Variants in ASPM observed in about 807,000 individuals in gnomAD.
ASPM encodes assembly factor for spindle microtubules.
ASPM carries 256 observed loss-of-function variants against 366.4 expected under a neutral mutation model. The ratio of observed to expected loss-of-function variants is 0.70; its 90% confidence interval spans 0.63 to 0.77. ASPM has a LOEUF of 0.77. Ranked by LOEUF, ASPM falls within the 30% of genes least tolerant of loss-of-function variation. The pLI is 0.00. For missense variants in ASPM, 4,146 were observed against 4,090.4 expected, an observed-to-expected ratio of 1.01 and a Z score of -0.37; for synonymous variants, 1,414 against 1,342.9, an observed-to-expected ratio of 1.05 and a Z score of -1.16.
At position 197,102,964 on chromosome 1, in the gene ASPM, GTCT is replaced by G; in HGVS notation, c.6284_6286del (p.Lys2095del). The G allele has an allele frequency of 6.2e-7, 1 of 1,612,346 alleles. No homozygotes were observed. Among genetic ancestry groups the G allele is most frequent in the Non-Finnish European group, 8.5e-7 (1 of 1,179,044 alleles). ...ATAAACAGATTGGATTTTAATTGCT[GTCT>G]TCTTCAAATTAAGATACTCCTTATG... On this transcript the variant is annotated inframe_deletion, in exon 18 of 28. Coordinates refer to ENST00000367409, the MANE Select transcript of ASPM (RefSeq NM_018136.5).
In ASPM at chr1:197,117,994, A is replaced by G. The variant is rs763587106; in HGVS notation, c.3871-11T>C. The G allele has an allele frequency of 6.2e-7, 1 of 1,609,202 alleles. No homozygotes were observed. The highest frequency in any genetic ancestry group is 2.2e-5 in the East Asian group (1 of 44,760). ...AGCTTTCTCTCTCTCCTAAAATAAA[A>G]AAGTCAGCAAATGTAAATTAAACAC... On this transcript the variant is annotated splice_polypyrimidine_tract_variant and intron_variant, in intron 16 of 27. Transcript: ENST00000367409.
rs762895326 is a variant in ASPM at position 197,101,992 on chromosome 1, G to A, written c.7259C>T (p.Ser2420Leu). The A allele has an allele frequency of 1.4e-5, 23 of 1,612,688 alleles. 1 individual carries two copies. Among genetic ancestry groups the A allele is most frequent in the Non-Finnish European group, 1.9e-5 (22 of 1,179,302 alleles). Reference protein sequence around the residue: ...SATLIQSRFRSLLVRRRFISL... With the variant: ...SATLIQSRFRLLLVRRRFISL... ...AATGAATCTTCTCCTCACCAGTAAT[G>A]ATCTAAACCTACTCTGAATAAGGGT... Residue 2420 changes from serine (S) to leucine (L), a missense_variant, in exon 18 of 28, where the codon TCA (serine) becomes TTA (leucine). By Grantham distance (145) the Ser-to-Leu change is moderately radical. This residue lies in a region of ASPM where 3,624 missense variants were observed against 3,591.7 expected (regional missense o/e 1.01). Transcript: ENST00000367409.
Position 197,123,826 on chromosome 1 carries a change from A to G in ASPM, c.3390+284T>C, listed in dbSNP as rs187754287. Among the ~76,000 whole-genome samples the G allele has an allele frequency of 3.0e-4, 46 of 152,230 alleles. 1 individual carries two copies. The highest frequency in any genetic ancestry group is 5.7e-4 in the Non-Finnish European group (39 of 67,964). On this transcript the variant is annotated intron_variant, in intron 13 of 27. Coordinates refer to ENST00000367409, the MANE Select transcript of ASPM (RefSeq NM_018136.5). ...CTTATTTGAATTGAACTTTATAATAATGATATGATTCTTTTATGTCCCAGT... is the reference window on the plus strand; with the variant it reads ...CTTATTTGAATTGAACTTTATAATAGTGATATGATTCTTTTATGTCCCAGT...
chr1:197,137,641 C>T (rs964772518), intron 4 of ASPM, among the ~76,000 whole-genome samples: 5 of 152,112 alleles, frequency 3.3e-5, no homozygotes, highest in African/African-American at 1.2e-4. Flanking sequence ...CCATCATGCC[C>T]AGCCAACTTC....
At chr1:197,118,429 C>T (rs981726684) in intron 16 of ASPM, among the ~76,000 whole-genome samples, 3 of 151,980 alleles carry the variant, frequency 2.0e-5, no homozygotes, top group African/African-American at 7.2e-5. Flanking sequence ...AAACAAAATA[C>T]CTCCTCCTTT....
Position 197,104,354 on chromosome 1 carries a change from G to T in ASPM, c.4897C>A (p.Arg1633Ser), listed in dbSNP as rs200202166. The T allele has an allele frequency of 6.2e-7, 1 of 1,613,042 alleles. No individual in the cohort carries two copies. Among genetic ancestry groups the T allele is most frequent in the Non-Finnish European group, 8.5e-7 (1 of 1,179,400 alleles). ...GACTGCAGCACAATGACAGCAGAGC[G>T]TGTTTTCTGGTAAGATGCTAGAACT... ...MKVLASYQKT[R>S]SAVIVLQSAY... The change falls in exon 18 of 28, where the codon CGC (arginine) becomes AGC (serine). Residue 1633 changes from arginine (R) to serine (S), a missense_variant. Transcript: ENST00000367409.
In ASPM at chr1:197,104,684, C is replaced by T. The variant is rs370971482; in HGVS notation, c.4567G>A (p.Ala1523Thr). Residue 1523 changes from alanine to threonine, a missense_variant, in exon 18 of 28, where the codon GCA becomes ACA. Physicochemically the swap from Ala to Thr is moderately conservative, Grantham distance 58 (BLOSUM62 0). Transcript: ENST00000367409. Reference protein sequence around the residue: ...SILTIQKYYKAYLKGKIERTN... With the variant: ...SILTIQKYYKTYLKGKIERTN... ...CGCTCAATCTTTCCTTTCAGATATG[C>T]TTTGTAGTACTTCTGGATGGTTAGT... 26 of 1,613,040 alleles carry T rather than the reference C, an allele frequency of 1.6e-5. No individual in the cohort carries two copies. The highest frequency in any genetic ancestry group is 2.2e-5 in the Non-Finnish European group (26 of 1,179,398).
rs557887201 is a variant in ASPM at position 197,100,687 on chromosome 1, C to G, written c.8564G>C (p.Arg2855Thr). 3 of 1,612,362 alleles carry G rather than the reference C, an allele frequency of 1.9e-6. No individual in the cohort carries two copies. Among genetic ancestry groups the G allele is most frequent in the Admixed American group, 3.3e-5 (2 of 59,738 alleles). The change falls in exon 18 of 28, where the codon AGA becomes ACA. Residue 2855 changes from arginine to threonine, a missense_variant. Coordinates refer to ENST00000367409, the MANE Select transcript of ASPM (RefSeq NM_018136.5). ...FFLQMAVYRR[R>T]FVQQKRAAIT... ...AGCAGCTCTTTTCTGCTGAACAAAT[C>G]TTCTCCGATACACAGCCATCTGAAG...
Position 197,143,316 on chromosome 1 carries a change from T to C in ASPM, c.936A>G (p.Gln312=). The C allele has an allele frequency of 6.2e-7, 1 of 1,613,938 alleles. No homozygotes were observed. The highest frequency in any genetic ancestry group is 8.5e-7 in the Non-Finnish European group (1 of 1,179,818). Reference sequence around the variant, plus strand: ...AAGAATCTGGACTTAGAAAATGTATTTGGCTTTGTGTAATGTTCAAAGTTG... The same window carrying C: ...AAGAATCTGGACTTAGAAAATGTATCTGGCTTTGTGTAATGTTCAAAGTTG... ...CSSTLNITQS[Q]IHFLSPDSFV... The change falls in exon 3 of 28, where the codon CAA becomes CAG. Residue 312 remains glutamine, a synonymous_variant. Coordinates refer to ENST00000367409, the MANE Select transcript of ASPM (RefSeq NM_018136.5).
At position 197,103,695 on chromosome 1, in the gene ASPM, T is replaced by C. The variant is rs544950077; in HGVS notation, c.5556A>G (p.Ile1852Met). 37 of 1,612,822 alleles carry C rather than the reference T, an allele frequency of 2.3e-5. No homozygotes were observed. Among genetic ancestry groups the C allele is most frequent in the Admixed American group, 8.4e-5 (5 of 59,770 alleles). The change falls in exon 18 of 28, where the codon ATA (isoleucine) becomes ATG (methionine). Residue 1852 changes from isoleucine to methionine, a missense_variant. Around this residue, in one of 3 missense-constraint regions of ASPM, gnomAD observed 3,624 missense variants for 3,591.7 expected, o/e 1.01. Transcript: ENST00000367409. ...VKYQSVLQSI[I>M]KIQRWYRAYK... ...ACGCCCTGTACCATCTCTGAATCTT[T>C]ATTATAGATTGAAGCACAGATTGAT...
At chr1:197,087,147 T>C (rs1469944747) in intron 26 of ASPM, among the ~76,000 whole-genome samples, 175 bp from the exon 27 acceptor site, 1 of 152,070 alleles carries the variant, frequency 6.6e-6, no homozygotes. Flanking sequence ...CGATCTTAGC[T>C]CAATGCAATC....
chr1:197,097,550 A>G (rs1657017973), intron 18 of ASPM, among the ~76,000 whole-genome samples: 1 of 151,820 alleles, frequency 6.6e-6, no homozygotes, highest in South Asian at 2.1e-4. Flanking sequence ...TTCAGTTGAT[A>G]ATGCAATAAT....
At chr1:197,090,158 T>A in intron 24 of ASPM, 38 bp downstream of exon 24, 5 of 1,612,224 alleles carry the variant, frequency 3.1e-6, no homozygotes, top group Non-Finnish European at 4.2e-6. Context: ...AATAATGTAG[T>A]ATTACATCAT....
intron 10 of ASPM, among the ~76,000 whole-genome samples, chr1:197,127,940 C>G (rs926663768): frequency 5.9e-5 from 9 of 152,006 alleles, no homozygotes; most frequent in Non-Finnish European, 1.0e-4. Flanking sequence ...CCGAGGCAGG[C>G]GGATCACGAG....
rs761924185 is a variant in ASPM at position 197,146,262 on chromosome 1, G to T, written c.176C>A (p.Ala59Asp). Residue 59 changes from alanine to aspartate, a missense_variant, in exon 1 of 28, where the codon GCC becomes GAC. Physicochemically the swap from Ala to Asp is moderately radical, Grantham distance 126. Coordinates refer to ENST00000367409, the MANE Select transcript of ASPM (RefSeq NM_018136.5). ...TAGGGCCAGAGACAGCGTCCGTGAG[G>T]CTCCCAGGAGAACGTCCCCGAAGCA... ...FLCFGDVLLG[A>D]SRTLSLALDN... The T allele has an allele frequency of 2.5e-6, 4 of 1,613,988 alleles. No individual in the cohort carries two copies. In the African/African-American group the frequency reaches 4.0e-5, roughly 16 times the overall value.
At chr1:197,115,801 T>A (rs1657721089) in intron 17 of ASPM, among the ~76,000 whole-genome samples, 1 of 152,196 alleles carries the variant, frequency 6.6e-6, no homozygotes, top group South Asian at 2.1e-4. Context: ...TGTGCTGTTA[T>A]CCAGACTTTG....
rs1347624379 is a variant in ASPM, at chr1:197,101,540, A to G, written c.7711T>C (p.Cys2571Arg). Reference protein sequence around the residue: ...QSTYRMYRQYCFYQKLQWATK... With the variant: ...QSTYRMYRQYRFYQKLQWATK... ...GCCCACTGAAGCTTTTGGTAGAAACAATACTGCCTATACATTCTGTAGGTG... is the reference window on the plus strand; with the variant it reads ...GCCCACTGAAGCTTTTGGTAGAAACGATACTGCCTATACATTCTGTAGGTG... The change falls in exon 18 of 28, where the codon TGT becomes CGT. Residue 2571 changes from cysteine to arginine, a missense_variant. Coordinates refer to ENST00000367409, the MANE Select transcript of ASPM (RefSeq NM_018136.5). 2 of 1,609,300 alleles carry G rather than the reference A, an allele frequency of 1.2e-6. No homozygotes were observed. Among genetic ancestry groups the G allele is most frequent in the African/African-American group, 1.3e-5 (1 of 74,802 alleles).
chr1:197,084,454 AT>A, intron 27 of ASPM, 28 bp from the exon 28 acceptor site: 4 of 1,458,128 alleles, frequency 2.7e-6, no homozygotes, highest in Non-Finnish European at 3.8e-6. Flanking sequence ...AAAGTCTGGC[AT>A]TAATAAAGTT....
intron 27 of ASPM, among the ~76,000 whole-genome samples, chr1:197,085,223 T>C (rs1353036512): frequency 1.3e-5 from 2 of 152,214 alleles, no homozygotes; most frequent in Admixed American, 6.5e-5. Context: ...TAAAAATGTT[T>C]ACACAACCAA....
Sources: allele counts gnomAD v4.1 joint callset (sites outside exome capture counted in the v4.1 genomes callset), GRCh38; gene constraint gnomAD v4.1.1; regional missense constraint gnomAD v4.1.1; transcripts MANE v1.5; gene names NCBI Gene and HGNC (gene_info 2026-07-23, HGNC 2026-07-21).